The following CD164L2 variants were observed in gnomAD, a reference collection of about 807,000 sequenced individuals.
The protein encoded by CD164L2 is CD164 sialomucin-like 2 protein.
A neutral mutation model predicts 23.9 loss-of-function variants in CD164L2; 21 were observed. The ratio of observed to expected loss-of-function variants is 0.88; its 90% CI spans 0.62 to 1.27. The LOEUF (loss-of-function observed/expected upper bound fraction) is 1.27, where lower values mean the gene tolerates loss of function less well. Among genes scored for constraint, CD164L2 ranks in the 50% most tolerant of loss-of-function variants. The probability of loss-of-function intolerance (pLI) is 0.00; values close to 1 mark genes in which losing one functional copy is unlikely to be tolerated. For synonymous variants in CD164L2, 92 were observed against 90.2 expected (o/e 1.02, Z -0.11); for missense variants, 230 against 224.8 (o/e 1.02, Z -0.15).
chr1:27,382,299 A>G (rs1015499479), intron 3 of CD164L2, 29 bp downstream of exon 3: 2 of 1,614,016 alleles, frequency 1.2e-6, no homozygotes, highest in African/African-American at 2.7e-5. Context: ...GACCCATGCA[A>G]CTTGGCTTAG....
At chr1:27,380,342 G>A (rs1045396316) in intron 4 of CD164L2, 147 bp from the exon 5 acceptor site, 7 of 711,228 alleles carry the variant, frequency 9.8e-6, no homozygotes, top group South Asian at 3.7e-5. Context: ...TCCAGATCCC[G>A]CAGGCAGTTG....
At chr1:27,379,623 G>T in intron 5 of CD164L2, 114 bp from the exon 6 acceptor site, 2 of 1,544,256 alleles carry the variant, frequency 1.3e-6, no homozygotes, top group East Asian at 4.9e-5. Context: ...ACAGGCTGTG[G>T]CGACCCGCCC....
chr1:27,382,519 C>T lies in CD164L2; in HGVS notation c.237G>A (p.Gln79=), dbSNP rs1228605228. 2 of 1,609,850 alleles carry T rather than the reference C, an allele frequency of 1.2e-6. No individual in the cohort carries two copies. Among genetic ancestry groups the T allele is most frequent in the Non-Finnish European group, 1.7e-6 (2 of 1,177,346 alleles). The change falls in exon 2 of 6, where the codon CAG becomes CAA. Residue 79 remains glutamine, a synonymous_variant. Coordinates refer to ENST00000374030, the MANE Select transcript of CD164L2 (RefSeq NM_001330448.1). ...ARNLSSCVWE[Q]CRPEEPGHCV... is the part of the protein sequence containing the mutation. ...CCATACCTGGCTCCTCTGGCCGGCA[C>T]TGCTCCCACACGCAGCTGGAGAGAT...
At chr1:27,380,012 A>T in intron 5 of CD164L2, 39 bp downstream of exon 5, 1 of 1,606,572 alleles carries the variant, frequency 6.2e-7, no homozygotes, top group Non-Finnish European at 8.5e-7. Context: ...CCAGGAGGTA[A>T]GCTGGGACTC....
At chr1:27,380,335 A>G (rs1308067871) in intron 4 of CD164L2, 140 bp from the exon 5 acceptor site, 4 of 736,618 alleles carry the variant, frequency 5.4e-6, no homozygotes, top group Admixed American at 5.5e-5. Context: ...CGTTTAGTCC[A>G]GATCCCGCAG....
At position 27,381,893 on chromosome 1, in the gene CD164L2, C is replaced by T. The variant is rs2016341370; in HGVS notation, c.329-69G>A. 1.9e-6 allele frequency: 3 copies of T among 1,588,118 alleles called. No individual in the cohort carries two copies. The East Asian group carries it at 6.7e-5, about 36-fold the overall frequency. On this transcript the variant is annotated intron_variant, in intron 3 of 5. Coordinates refer to ENST00000374030, the MANE Select transcript of CD164L2 (RefSeq NM_001330448.1). ...CTGACTCCCATCAAGACCCCAGCCC[C>T]CACTCACCGCTAAACTTCCGATTCA...
chr1:27,382,501 T>C lies in CD164L2; in HGVS notation c.255A>G (p.Pro85=). The C allele has an allele frequency of 6.2e-7, 1 of 1,601,130 alleles. No individual in the cohort carries two copies. The stretch of plus-strand genomic sequence containing the variant: ...TCTGGGGAGGGCTCAGCTCCATACC[T>C]GGCTCCTCTGGCCGGCACTGCTCCC... ...CVWEQCRPEE[P]GHCVAQSEVV... The change falls in exon 2 of 6, where the codon CCA becomes CCG. Residue 85 remains proline (P), a splice_region_variant and synonymous_variant. Coordinates refer to ENST00000374030, the MANE Select transcript of CD164L2 (RefSeq NM_001330448.1).
intron 4 of CD164L2, 79 bp downstream of exon 4, chr1:27,381,701 C>G (rs573783795): frequency 6.6e-7 from 1 of 1,514,820 alleles, no homozygotes; most frequent in African/African-American, 1.4e-5. Context: ...GGTCACAGAG[C>G]ATGTCAGTGC....
At chr1:27,382,470 A>G (rs765088953) in intron 2 of CD164L2, 30 bp downstream of exon 2, 1 of 1,585,004 alleles carries the variant, frequency 6.3e-7, no homozygotes, top group Admixed American at 1.7e-5. Context: ...AGCTGGGGGC[A>G]CTCAATCTGG....
At position 27,382,630 on chromosome 1, in the gene CD164L2, G is replaced by A. The variant is rs1369027049; in HGVS notation, c.126C>T (p.Ile42=). 1.2e-6 allele frequency: 2 copies of A among 1,612,836 alleles called. No individual in the cohort carries two copies. The highest frequency in any genetic ancestry group is 1.3e-5 in the African/African-American group (1 of 74,966). Residue 42 remains isoleucine, a synonymous_variant, in exon 2 of 6, where the codon ATC becomes ATT. Transcript: ENST00000374030. Reference sequence around the variant, plus strand: ...GGACCGCCGGCCAGATATTCAGGCGGATCAGGGCTCCCCTCCCAAAGCCTC... The same window carrying A: ...GGACCGCCGGCCAGATATTCAGGCGAATCAGGGCTCCCCTCCCAAAGCCTC... ...GARGFGRGAL[I]RLNIWPAVQG...
In CD164L2 at chr1:27,380,170, G is replaced by A; in HGVS notation, c.399C>T (p.His133=). Residue 133 remains histidine (H), a synonymous_variant, in exon 5 of 6, where the codon CAC becomes CAT. Coordinates refer to ENST00000374030, the MANE Select transcript of CD164L2 (RefSeq NM_001330448.1). The part of the protein sequence containing the change: ...TTGSPPVPEA[H]SPGFDGASFI... ...AGCTGGCCCCGTCAAATCCAGGGCT[G>A]TGGGCCTCAGGGACTGGGGGGCTCC... The A allele has an allele frequency of 3.7e-6, 6 of 1,614,158 alleles. No homozygotes were observed. Among genetic ancestry groups the A allele is most frequent in the South Asian group, 3.3e-5 (3 of 91,080 alleles).
intron 5 of CD164L2, 115 bp from the exon 6 acceptor site, chr1:27,379,624 C>T (rs894216032): frequency 9.7e-6 from 15 of 1,542,514 alleles, no homozygotes; most frequent in South Asian, 8.4e-5. Flanking sequence ...CAGGCTGTGG[C>T]GACCCGCCCC....
In CD164L2 at chr1:27,382,516, G is replaced by T. The variant is rs746040059; in HGVS notation, c.240C>A (p.Cys80Ter). Reference sequence around the variant, plus strand: ...GCTCCATACCTGGCTCCTCTGGCCGGCACTGCTCCCACACGCAGCTGGAGA... The same window carrying T: ...GCTCCATACCTGGCTCCTCTGGCCGTCACTGCTCCCACACGCAGCTGGAGA... ...RNLSSCVWEQ[C>*]RPEEPGHCVA... Residue 80 changes from cysteine (C) to a stop codon, truncating the protein, a stop_gained, in exon 2 of 6, where the codon TGC (cysteine) becomes TGA (stop). Transcript: ENST00000374030. LOFTEE classifies it high-confidence loss of function. The T allele has an allele frequency of 6.2e-7, 1 of 1,608,786 alleles. No homozygotes were observed. Among genetic ancestry groups the T allele is most frequent in the Non-Finnish European group, 8.5e-7 (1 of 1,176,680 alleles).
rs1402087718 is a variant in CD164L2 at position 27,383,246 on chromosome 1, G to A, written c.-7C>T. On this transcript the variant is annotated 5_prime_UTR_variant, in exon 1 of 6. Coordinates refer to ENST00000374030, the MANE Select transcript of CD164L2 (RefSeq NM_001330448.1). The stretch of plus-strand genomic sequence containing the variant: ...GGGGTCCCGGAGCCTCCATGGGCTC[G>A]CGGGGTGGGGGTGGCCGGGGGCGGT... 2.0e-6 allele frequency: 3 copies of A among 1,538,102 alleles called. No homozygotes were observed. Among genetic ancestry groups the A allele is most frequent in the South Asian group, 2.4e-5 (2 of 83,710 alleles).
intron 4 of CD164L2, 34 bp downstream of exon 4, chr1:27,381,746 T>C: frequency 1.2e-6 from 2 of 1,611,620 alleles, no homozygotes; most frequent in Non-Finnish European, 1.7e-6. Context: ...GCACCTCTGC[T>C]CCTCCCACTG....
intron 1 of CD164L2, 95 bp downstream of exon 1, chr1:27,383,057 C>T (rs896665798): frequency 1.8e-6 from 2 of 1,084,024 alleles, no homozygotes; most frequent in Non-Finnish European, 2.7e-6. Context: ...AGCCCCCTCC[C>T]CTCAAGCCCA....
intron 1 of CD164L2, 26 bp from the exon 2 acceptor site, chr1:27,382,693 G>C (rs1162495079): frequency 6.3e-7 from 1 of 1,588,500 alleles, no homozygotes; most frequent in African/African-American, 1.3e-5. Flanking sequence ...AGTGGGAAGG[G>C]AGAATTCCTC....
At position 27,379,511 on chromosome 1, in the gene CD164L2, T is replaced by A; in HGVS notation, c.519-2A>T. Reference sequence around the variant, plus strand: ...GTCCAGGCCCAAAGGGGTCAGATTCTGCAGAGGCCAAAGAGGACACTCAGG... The same window carrying A: ...GTCCAGGCCCAAAGGGGTCAGATTCAGCAGAGGCCAAAGAGGACACTCAGG... On this transcript the variant is annotated splice_acceptor_variant, in intron 5 of 5. Transcript: ENST00000374030. LOFTEE classifies it high-confidence loss of function. 6.5e-7 allele frequency: 1 copy of A among 1,549,614 alleles called. No individual in the cohort carries two copies. Among genetic ancestry groups the A allele is most frequent in the Middle Eastern group, 1.7e-4 (1 of 5,990 alleles).
In CD164L2 at chr1:27,383,329, C is replaced by A. The variant is rs2016380084; in HGVS notation, c.-90G>T. 1.2e-6 allele frequency: 1 copy of A among 841,652 alleles called. No homozygotes were observed. The highest frequency in any genetic ancestry group is 1.7e-5 in the South Asian group (1 of 58,562). The allele number at this position is 841,652 out of a possible 1,614,324, so 52.1% of individuals were successfully genotyped here. A position where few individuals can be genotyped will look rare whatever the true frequency, so the allele number is the denominator to read the frequency against. On this transcript the variant is annotated 5_prime_UTR_variant, in exon 1 of 6. Coordinates refer to ENST00000374030, the MANE Select transcript of CD164L2 (RefSeq NM_001330448.1). Reference sequence around the variant, plus strand: ...CCCTCCCAGACTGGGCTCGGCTGAGCGTGTGCGGAGCGAGACCTGGGCAAC... The same window carrying A: ...CCCTCCCAGACTGGGCTCGGCTGAGAGTGTGCGGAGCGAGACCTGGGCAAC...
Sources: allele counts gnomAD v4.1 joint callset, GRCh38; gene constraint gnomAD v4.1.1; transcripts MANE v1.5; gene names NCBI Gene and HGNC (gene_info 2026-07-23, HGNC 2026-07-21).